Variants in PDGFD observed in about 807,000 individuals in gnomAD.
PDGFD encodes platelet derived growth factor D.
In PDGFD, 30 loss-of-function variants were observed where a neutral mutation model predicts 44.7. The ratio of observed to expected loss-of-function variants is 0.67; its 90% confidence interval spans 0.50 to 0.91. The LOEUF is 0.91. Among genes scored for constraint, PDGFD ranks in the 40% least tolerant of loss-of-function variants. The probability of loss-of-function intolerance (pLI) is 0.00; values close to 1 mark genes in which losing one functional copy is unlikely to be tolerated. For missense variants in PDGFD, 445 were observed against 457.8 expected, an observed-to-expected ratio of 0.97 and a Z score of 0.25; for synonymous variants, 173 against 168.4, an observed-to-expected ratio of 1.03 and a Z score of -0.21.
intron 1 of PDGFD, among the ~76,000 whole-genome samples, chr11:104,136,173 GAA>G (rs967188041): frequency 2.6e-5 from 4 of 152,162 alleles, no homozygotes; most frequent in Admixed American, 6.5e-5. Flanking sequence ...TTGTACACAG[GAA>G]AAGACATAAT....
chr11:104,111,430 A>AT (rs1409300165), intron 1 of PDGFD, among the ~76,000 whole-genome samples: 2 of 151,370 alleles, frequency 1.3e-5, no homozygotes, highest in African/African-American at 2.4e-5. Flanking sequence ...GCCTAGGTAA[A>AT]TTTTTTCTGT....
chr11:104,147,394 C>A (rs1862179916), intron 1 of PDGFD, among the ~76,000 whole-genome samples: 2 of 152,086 alleles, frequency 1.3e-5, no homozygotes, highest in Admixed American at 1.3e-4. Context: ...ACATAGGATA[C>A]CCTTACAAGC....
chr11:103,951,983 A>T (rs1318614101), intron 3 of PDGFD, among the ~76,000 whole-genome samples: 1 of 152,152 alleles, frequency 6.6e-6, no homozygotes, highest in Non-Finnish European at 1.5e-5. Context: ...TATATATTCC[A>T]ATTTCTCTGG....
intron 1 of PDGFD, among the ~76,000 whole-genome samples, chr11:104,083,059 T>C (rs1446019504): frequency 6.6e-6 from 1 of 152,198 alleles, no homozygotes; most frequent in African/African-American, 2.4e-5. Context: ...CATGACCCCA[T>C]ATATTTTAGG....
chr11:103,944,314 C>G (rs1858638287), intron 4 of PDGFD, among the ~76,000 whole-genome samples: 1 of 152,118 alleles, frequency 6.6e-6, no homozygotes, highest in African/African-American at 2.4e-5. Context: ...TAAAACTTCT[C>G]AGGAAGACTC....
chr11:104,156,048 T>G (rs1329122605), intron 1 of PDGFD, among the ~76,000 whole-genome samples: 1 of 152,224 alleles, frequency 6.6e-6, no homozygotes, highest in Non-Finnish European at 1.5e-5. Flanking sequence ...CAGTAGATTT[T>G]AAGAGTTATC....
chr11:104,088,311 G>T (rs1350324048), intron 1 of PDGFD, among the ~76,000 whole-genome samples: 1 of 152,110 alleles, frequency 6.6e-6, no homozygotes, highest in African/African-American at 2.4e-5. Flanking sequence ...TGTTTATTCT[G>T]CCTTACTGAA....
chr11:103,935,475 G>A (rs1858474814), intron 5 of PDGFD, among the ~76,000 whole-genome samples: 1 of 152,074 alleles, frequency 6.6e-6, no homozygotes. Flanking sequence ...TAAAAGAAAA[G>A]CTTAGCAGAA....
At chr11:103,928,023 T>G (rs904663438) in intron 5 of PDGFD, among the ~76,000 whole-genome samples, 4 of 152,222 alleles carry the variant, frequency 2.6e-5, no homozygotes, top group African/African-American at 9.6e-5. Flanking sequence ...CTCTTTATGT[T>G]TTCTTCTTTG....
chr11:104,036,867 C>T (rs931042339), intron 1 of PDGFD: 1 of 1,614,112 alleles, frequency 6.2e-7, no homozygotes, highest in South Asian at 1.1e-5. Flanking sequence ...TCTCCGAGGT[C>T]ACCTTCTCTC....
chr11:103,908,527 A>C lies in PDGFD; in HGVS notation c.*1167T>G, dbSNP rs1235396357. 6.6e-6 allele frequency: 1 copy of C among 152,208 alleles called. No individual in the cohort carries two copies. Among genetic ancestry groups the C allele is most frequent in the African/African-American group, 2.4e-5 (1 of 41,452 alleles). The allele number at this position is 152,208 out of a possible 1,614,324, so 9.4% of individuals were successfully genotyped here. On this transcript the variant is annotated 3_prime_UTR_variant, in exon 7 of 7. Coordinates refer to ENST00000393158, the MANE Select transcript of PDGFD (RefSeq NM_025208.5). The stretch of plus-strand genomic sequence containing the variant: ...ATACGATTAGAAATTTACATTAATA[A>C]AATGTGATTTTTTTGATACACAAAA...
chr11:104,132,860 T>G (rs75405574), intron 1 of PDGFD, among the ~76,000 whole-genome samples: 19,808 of 152,108 alleles, frequency 0.13, 1,427 homozygotes, highest in East Asian at 0.29. Context: ...AATGAACAAT[T>G]TGACTGCAAA....
chr11:104,154,295 T>C (rs1018612647), intron 1 of PDGFD, among the ~76,000 whole-genome samples: 1 of 152,182 alleles, frequency 6.6e-6, no homozygotes, highest in Non-Finnish European at 1.5e-5. Flanking sequence ...TCTCTAATAT[T>C]GCTTCTTCAA....
intron 1 of PDGFD, among the ~76,000 whole-genome samples, chr11:104,118,427 C>G (rs11226184): frequency 6.6e-6 from 1 of 151,734 alleles, no homozygotes; most frequent in Admixed American, 6.6e-5. Context: ...TCCCAGCATA[C>G]AGCTGTGAGA....
intron 6 of PDGFD, among the ~76,000 whole-genome samples, chr11:103,916,876 G>C (rs1001406383): frequency 1.3e-5 from 2 of 152,136 alleles, no homozygotes; most frequent in African/African-American, 4.8e-5. Context: ...TTGTAAGTGG[G>C]AGTTGAACAA....
intron 1 of PDGFD, among the ~76,000 whole-genome samples, chr11:104,155,277 T>C (rs573591026): frequency 1.1e-4 from 17 of 152,214 alleles, no homozygotes; most frequent in Non-Finnish European, 1.9e-4. Flanking sequence ...TAATCTGAAC[T>C]TTCCTTTATG....
At chr11:104,151,447 T>C (rs953741877) in intron 1 of PDGFD, among the ~76,000 whole-genome samples, 3 of 152,184 alleles carry the variant, frequency 2.0e-5, no homozygotes, top group Admixed American at 6.5e-5. Context: ...ATATTAATGA[T>C]AGGTTCCCAT....
At chr11:104,113,889 C>T (rs952885833) in intron 1 of PDGFD, among the ~76,000 whole-genome samples, 3 of 151,846 alleles carry the variant, frequency 2.0e-5, no homozygotes, top group Non-Finnish European at 2.9e-5. Flanking sequence ...GCTTATTTTC[C>T]ATCTGTATAT....
intron 1 of PDGFD, among the ~76,000 whole-genome samples, chr11:104,021,436 C>T (rs1412962706): frequency 2.0e-5 from 3 of 152,082 alleles, no homozygotes; most frequent in Non-Finnish European, 4.4e-5. Context: ...GATACTGAGG[C>T]TGGGAATGTG....
Sources: allele counts gnomAD v4.1 joint callset (sites outside exome capture counted in the v4.1 genomes callset), GRCh38; gene constraint gnomAD v4.1.1; transcripts MANE v1.5; gene names NCBI Gene and HGNC (gene_info 2026-07-23, HGNC 2026-07-21).